The following CHD1L variants were observed in gnomAD, a reference collection of about 807,000 sequenced individuals.
The protein encoded by CHD1L is ATP-dependent chromatin remodeler CHD1L.
CHD1L carries 118 observed loss-of-function variants against 115.9 expected under a neutral mutation model. The ratio of observed to expected loss-of-function variants is 1.02; its 90% CI spans 0.88 to 1.19. The LOEUF (loss-of-function observed/expected upper bound fraction) is 1.19, where lower values mean the gene tolerates loss of function less well. Ranked by LOEUF, CHD1L falls within the 50% of genes most tolerant of loss-of-function variation. The probability of loss-of-function intolerance (pLI) is 0.00; values close to 1 mark genes in which losing one functional copy is unlikely to be tolerated. For missense variants in CHD1L, 1,179 were observed against 1,065.3 expected, an observed-to-expected ratio of 1.11 and a Z score of -1.49; for synonymous variants, 411 against 387.1, an observed-to-expected ratio of 1.06 and a Z score of -0.72.
At chr1:147,251,964 A>G (rs1433885373) in intron 1 of CHD1L, among the ~76,000 whole-genome samples, 1 of 152,168 alleles carries the variant, frequency 6.6e-6, no homozygotes, top group Non-Finnish European at 1.5e-5. Flanking sequence ...GTTTTTGCTA[A>G]TAGTTCTTAT....
the CHD1L span, among the ~76,000 whole-genome samples, chr1:147,234,627 GT>G: frequency 4.4e-4 from 67 of 152,258 alleles, 1 homozygote; most frequent in African/African-American, 1.6e-3. Flanking sequence ...ACTTAAAAAT[GT>G]TTTTACTAAT....
At chr1:147,194,737 T>C in the CHD1L span, among the ~76,000 whole-genome samples, 1 of 151,866 alleles carries the variant, frequency 6.6e-6, no homozygotes, top group Admixed American at 6.6e-5. Context: ...TGCTTGTCTG[T>C]AAAGTATTTT....
the CHD1L span, among the ~76,000 whole-genome samples, chr1:147,206,927 G>A: frequency 6.6e-6 from 1 of 151,560 alleles, no homozygotes; most frequent in Non-Finnish European, 1.5e-5. Flanking sequence ...AGAACTTAAA[G>A]TATAATAAAA....
chr1:147,293,744 CA>C, intron 21 of CHD1L, 22 bp downstream of exon 21: 1 of 1,576,818 alleles, frequency 6.3e-7, no homozygotes, highest in Non-Finnish European at 8.7e-7. Flanking sequence ...CACCTGTGCT[CA>C]AGAGTAGATG....
chr1:147,239,344 A>G (rs901344503), upstream of CHD1L, among the ~76,000 whole-genome samples: 1 of 152,212 alleles, frequency 6.6e-6, no homozygotes, highest in African/African-American at 2.4e-5. Context: ...AACTCGCTCA[A>G]GTACAACACT....
At chr1:147,232,638 G>T in the CHD1L span, among the ~76,000 whole-genome samples, 1 of 150,110 alleles carries the variant, frequency 6.7e-6, no homozygotes, top group African/African-American at 2.4e-5. Context: ...GCCTGCGATT[G>T]CAGGCACGCG....
intron 11 of CHD1L, 27 bp downstream of exon 11, chr1:147,271,032 C>G (rs868976707): frequency 7.0e-6 from 11 of 1,577,094 alleles, no homozygotes; most frequent in Middle Eastern, 3.3e-4. Flanking sequence ...ACTACATTAC[C>G]TAAGGCTCTG....
intron 15 of CHD1L, 59 bp from the exon 16 acceptor site, chr1:147,284,292 G>C: frequency 7.4e-7 from 1 of 1,355,516 alleles, no homozygotes; most frequent in Non-Finnish European, 1.0e-6. Context: ...GATTTGAATA[G>C]CATTAATCTA....
At chr1:147,287,286 A>G (rs1470286172) in intron 18 of CHD1L, among the ~76,000 whole-genome samples, 3 of 152,110 alleles carry the variant, frequency 2.0e-5, no homozygotes, top group Non-Finnish European at 2.9e-5. Flanking sequence ...AACCTTGCCT[A>G]TGTGCTGTTG....
chr1:147,267,181 A>G (rs1553949031), intron 8 of CHD1L, among the ~76,000 whole-genome samples: 1 of 152,270 alleles, frequency 6.6e-6, no homozygotes, highest in East Asian at 1.9e-4. Context: ...TTTGCAAAAG[A>G]GTAACAGAGT....
the CHD1L span, among the ~76,000 whole-genome samples, chr1:147,234,497 T>A: frequency 3.9e-5 from 6 of 152,202 alleles, no homozygotes; most frequent in Non-Finnish European, 7.3e-5. Context: ...GACATCCATG[T>A]CCTAAGCCGC....
chr1:147,230,769 T>A, the CHD1L span, among the ~76,000 whole-genome samples: 1 of 150,908 alleles, frequency 6.6e-6, no homozygotes, highest in Non-Finnish European at 1.5e-5. Context: ...TTTATCCATT[T>A]CTTCTAGATT....
At chr1:147,229,941 C>A in the CHD1L span, among the ~76,000 whole-genome samples, 101 of 151,016 alleles carry the variant, frequency 6.7e-4, 2 homozygotes, top group East Asian at 0.019. Flanking sequence ...GATATACAAT[C>A]ATGTCTTCTG....
In CHD1L at chr1:147,273,063, T is replaced by G. The variant is rs892310596; in HGVS notation, c.1270+782T>G. 3.9e-5 allele frequency among the ~76,000 whole-genome samples: 6 copies of G among 152,054 alleles called. No individual in the cohort carries two copies. In the East Asian group the frequency reaches 5.8e-4, roughly 15 times the overall value. On this transcript the variant is annotated intron_variant, in intron 12 of 22. Transcript: ENST00000369258. ...TAAAAAAATACAAAACTTAGCTGGA[T>G]GTAGTGGTGCGTGCCTGTAATCCCA...
the CHD1L span, among the ~76,000 whole-genome samples, chr1:147,227,029 A>G: frequency 6.6e-6 from 1 of 152,086 alleles, no homozygotes. Context: ...AGGTTTCACT[A>G]TGTTGCTCAA....
rs781840300 is a variant in CHD1L, at chr1:147,285,428, GAGA to G, written c.1962_1964del (p.Arg656del). On this transcript the variant is annotated inframe_deletion, in exon 17 of 23. Coordinates refer to ENST00000369258, the MANE Select transcript of CHD1L (RefSeq NM_004284.6). ...AGAAAAGACAAGAAGCAGCTGCCAA[GAGA>G]AGGAGACTCATAGAGGAGAAGAAGA... The G allele has an allele frequency of 3.7e-6, 6 of 1,613,930 alleles. No individual in the cohort carries two copies. Among genetic ancestry groups the G allele is most frequent in the African/African-American group, 2.7e-5 (2 of 74,922 alleles).
chr1:147,284,557 CA>C lies in CHD1L; in HGVS notation c.1854+65del, dbSNP rs869180259. On this transcript the variant is annotated intron_variant, in intron 16 of 22. Transcript: ENST00000369258. The stretch of plus-strand genomic sequence containing the variant: ...TTCCAAACTCTCATTCTAAAACAAA[CA>C]AAAAAATGATGCTGGCATCGTTTTG... The C allele has an allele frequency of 2.1e-6, 3 of 1,422,340 alleles. No homozygotes were observed. In the East Asian group the frequency reaches 7.6e-5, roughly 36 times the overall value. 88.1% of individuals were successfully genotyped at this position (1,422,340 alleles called of 1,614,324 possible).
At chr1:147,206,735 G>A in the CHD1L span, among the ~76,000 whole-genome samples, 1 of 152,072 alleles carries the variant, frequency 6.6e-6, no homozygotes, top group Non-Finnish European at 1.5e-5. Flanking sequence ...GACACAGGAA[G>A]GGGAACATCA....
chr1:147,253,208 T>C (rs1180350077), intron 2 of CHD1L, among the ~76,000 whole-genome samples: 1 of 152,216 alleles, frequency 6.6e-6, no homozygotes, highest in Non-Finnish European at 1.5e-5. Flanking sequence ...AGAATTGCTG[T>C]TAATTTCTTC....
Sources: gnomAD v4.1 joint callset for allele counts (sites outside exome capture counted in the v4.1 genomes callset) on GRCh38, gnomAD v4.1.1 for gene constraint, MANE v1.5 for transcripts, NCBI Gene and HGNC (gene_info 2026-07-23, HGNC 2026-07-21) for gene names.